The following IAH1 variants were observed in gnomAD, a reference collection of about 807,000 sequenced individuals.
IAH1 encodes isoamyl acetate hydrolyzing esterase 1 (putative).
In IAH1, 24 loss-of-function variants were observed where a neutral mutation model predicts 26.7. The ratio of observed to expected loss-of-function variants is 0.90; its 90% CI spans 0.65 to 1.26. IAH1 has a LOEUF of 1.26. Ranked by LOEUF, IAH1 falls within the 50% of genes most tolerant of loss-of-function variation. IAH1 has a pLI of 0.00. For missense variants in IAH1, 300 were observed against 299.9 expected, an observed-to-expected ratio of 1.00 and a Z score of 0.00; for synonymous variants, 140 against 118.5, an observed-to-expected ratio of 1.18 and a Z score of -1.18.
downstream of IAH1, among the ~76,000 whole-genome samples, chr2:9,500,397 T>C (rs6745500): frequency 0.52 from 78,761 of 152,032 alleles, 21,318 homozygotes; most frequent in Middle Eastern, 0.67. Flanking sequence ...TGCTCTGAGT[T>C]GTGGGGAATG....
chr2:9,496,497 G>GT (rs1662611698), exon 7 of IAH1: 1 of 152,344 alleles, frequency 6.6e-6, no homozygotes, highest in African/African-American at 2.4e-5. Context: ...GTGGGAAGCA[G>GT]AGTCCAGCCA....
upstream of IAH1, chr2:9,473,898 AG>A (rs1682309091): frequency 6.6e-6 from 1 of 152,026 alleles, no homozygotes; most frequent in African/African-American, 2.4e-5. Flanking sequence ...TGCACAGTTG[AG>A]GTAAGAACGT....
rs770668664 is a variant in IAH1, at chr2:9,484,588, A to G, written c.564+38A>G. On this transcript the variant is annotated intron_variant, in intron 5 of 5. Transcript: ENST00000497473. Reference sequence around the variant, plus strand: ...GCTCGGTCCTCTCGGGGTAAATAGGATCACACAGAAGTAAACCAGGTGTGT... The same window carrying G: ...GCTCGGTCCTCTCGGGGTAAATAGGGTCACACAGAAGTAAACCAGGTGTGT... 3.6e-6 allele frequency: 5 copies of G among 1,380,368 alleles called. No homozygotes were observed. The Admixed American group carries it at 6.7e-5, about 19-fold the overall frequency. 85.5% of individuals were successfully genotyped at this position (1,380,368 alleles called of 1,614,324 possible).
intron 5 of IAH1, among the ~76,000 whole-genome samples, chr2:9,487,250 T>G (rs999051185): frequency 2.6e-5 from 4 of 151,984 alleles, no homozygotes; most frequent in Admixed American, 2.6e-4. Flanking sequence ...TCCAAAAATA[T>G]GTGTATCTTT....
intron 6 of IAH1, chr2:9,496,216 C>T (rs1271657767): frequency 6.6e-6 from 1 of 152,160 alleles, no homozygotes; most frequent in East Asian, 1.9e-4. Context: ...GCAACCTCCG[C>T]CCCCTGGGTT....
chr2:9,505,776 A>G, the IAH1 span, among the ~76,000 whole-genome samples: 1 of 152,196 alleles, frequency 6.6e-6, no homozygotes, highest in African/African-American at 2.4e-5. Flanking sequence ...CTGTAGGTTA[A>G]TGTTGTCCCA....
Position 9,484,518 on chromosome 2 carries a change from C to T in IAH1, c.532C>T (p.Leu178Phe). 3 of 1,614,064 alleles carry T rather than the reference C, an allele frequency of 1.9e-6. No individual in the cohort carries two copies. Among genetic ancestry groups the T allele is most frequent in the South Asian group, 2.2e-5 (2 of 91,068 alleles). The change falls in exon 5 of 6, where the codon CTT (leucine) becomes TTT (phenylalanine). Residue 178 changes from leucine (L) to phenylalanine (F), a missense_variant. Physicochemically the swap from Leu to Phe is conservative, Grantham distance 22. Coordinates refer to ENST00000497473, the MANE Select transcript of IAH1 (RefSeq NM_001039613.3). ...GGCCCAAGACTGTGGGACTGACGTA[C>T]TTGACCTGTGGACCCTGATGCAGGA... ...QVAQDCGTDV[L>F]DLWTLMQDSQ... is the part of the protein sequence containing the mutation.
chr2:9,502,320 GC>G, the IAH1 span: 2 of 1,502,768 alleles, frequency 1.3e-6, no homozygotes, highest in African/African-American at 2.8e-5. Context: ...TCAAATTATG[GC>G]CCCATATCAA....
chr2:9,479,616 A>G (rs1216407828), intron 3 of IAH1, among the ~76,000 whole-genome samples: 1 of 152,126 alleles, frequency 6.6e-6, no homozygotes, highest in Admixed American at 6.5e-5. Flanking sequence ...AGTAATACTT[A>G]CAGCTGACAC....
chr2:9,498,843 C>T (rs1357729261), downstream of IAH1, among the ~76,000 whole-genome samples: 2 of 152,184 alleles, frequency 1.3e-5, no homozygotes, highest in Non-Finnish European at 2.9e-5. Context: ...TGTTGAGCAT[C>T]TGTTCTTAAA....
In IAH1 at chr2:9,484,555, G is replaced by A. The variant is rs201157825; in HGVS notation, c.564+5G>A. The stretch of plus-strand genomic sequence containing the variant: ...ACCCTGATGCAGGACAGCCAGGTAC[G>A]GTGGCTTGCTCGGTCCTCTCGGGGT... On this transcript the variant is annotated splice_donor_5th_base_variant and intron_variant, in intron 5 of 5. Transcript: ENST00000497473. 281 of 1,596,048 alleles carry A rather than the reference G, an allele frequency of 1.8e-4. No homozygotes were observed. Among genetic ancestry groups the A allele is most frequent in the East Asian group, 1.0e-3 (47 of 44,786 alleles).
intron 2 of IAH1, 133 bp downstream of exon 2, chr2:9,476,172 TAGG>T (rs3831465): frequency 0.51 from 362,575 of 712,626 alleles, 100,575 homozygotes; most frequent in Middle Eastern, 0.63. Flanking sequence ...AATCAGTATA[TAGG>T]AGAAGGAACA....
downstream of IAH1, among the ~76,000 whole-genome samples, chr2:9,496,909 C>G (rs1053779985): frequency 1.3e-5 from 2 of 152,220 alleles, no homozygotes; most frequent in Non-Finnish European, 2.9e-5. Context: ...AGAAGAAACA[C>G]CAACAGGATA....
Position 9,488,351 on chromosome 2 carries a change from CTGCT to C in IAH1, c.*25_*28del, listed in dbSNP as rs1661753441. ...TTAGCCAATCACAGGAGACCCAAAT[CTGCT>C]TGTTATCTACAGAACTCAAAGTTGT... On this transcript the variant is annotated 3_prime_UTR_variant, in exon 6 of 6. Coordinates refer to ENST00000497473, the MANE Select transcript of IAH1 (RefSeq NM_001039613.3). 6.4e-7 allele frequency: 1 copy of C among 1,562,844 alleles called. No homozygotes were observed. Among genetic ancestry groups the C allele is most frequent in the South Asian group, 1.2e-5 (1 of 82,220 alleles).
At chr2:9,502,401 C>A in the IAH1 span, 1 of 743,384 alleles carries the variant, frequency 1.3e-6, no homozygotes, top group Non-Finnish European at 2.3e-6. Flanking sequence ...CCGTCACCCA[C>A]TCCTACATCA....
At chr2:9,479,568 G>C (rs1488651764) in intron 3 of IAH1, among the ~76,000 whole-genome samples, 1 of 152,086 alleles carries the variant, frequency 6.6e-6, no homozygotes, top group Non-Finnish European at 1.5e-5. Context: ...TTAAAACAAG[G>C]TATTTTGATT....
chr2:9,493,735 GA>G (rs1197163252), downstream of IAH1: 4 of 1,610,408 alleles, frequency 2.5e-6, no homozygotes, highest in South Asian at 3.3e-5. Context: ...GTAATCTGGG[GA>G]AATCACCTAC....
downstream of IAH1, chr2:9,496,976 T>G: frequency 7.6e-7 from 1 of 1,318,398 alleles, no homozygotes; most frequent in Non-Finnish European, 1.0e-6. Context: ...GACACCACCC[T>G]GCCCTTCCCC....
intron 4 of IAH1, 96 bp downstream of exon 4, chr2:9,481,543 C>G: frequency 8.7e-7 from 1 of 1,146,166 alleles, no homozygotes; most frequent in Middle Eastern, 2.4e-4. Context: ...GCTTCTGTTT[C>G]TTAGGGGCTC....
Sources: allele counts gnomAD v4.1 joint callset (sites outside exome capture counted in the v4.1 genomes callset), GRCh38; gene constraint gnomAD v4.1.1; transcripts MANE v1.5; gene names NCBI Gene and HGNC (gene_info 2026-07-23, HGNC 2026-07-21).